Variants in FSTL5 observed in about 807,000 individuals in gnomAD.
FSTL5 encodes the protein follistatin-related protein 5.
Under a neutral mutation model 89.1 loss-of-function variants are expected in FSTL5, and 62 were observed. The observed-to-expected ratio is 0.70, with a 90% CI of 0.57 to 0.86. The LOEUF is 0.86. Among genes scored for constraint, FSTL5 ranks in the 40% least tolerant of loss-of-function variants. The pLI is 0.00. For missense variants in FSTL5, 1,057 were observed against 1,001.6 expected, an observed-to-expected ratio of 1.06 and a Z score of -0.75; for synonymous variants, 383 against 346.2, an observed-to-expected ratio of 1.11 and a Z score of -1.18.
At chr4:161,455,163 T>A in intron 14 of FSTL5, 35 bp from the exon 15 acceptor site, 1 of 1,531,906 alleles carries the variant, frequency 6.5e-7, no homozygotes, top group African/African-American at 1.4e-5. Flanking sequence ...ACCTCAACAA[T>A]GCAGTCACTT....
chr4:161,800,646 A>G (rs1226479232), intron 4 of FSTL5, among the ~76,000 whole-genome samples: 1 of 151,508 alleles, frequency 6.6e-6, no homozygotes, highest in African/African-American at 2.4e-5. Context: ...TTCATAAATT[A>G]CCCCTTCTAA....
chr4:161,933,830 TTA>T (rs1734358630), intron 3 of FSTL5, among the ~76,000 whole-genome samples: 1 of 151,954 alleles, frequency 6.6e-6, no homozygotes, highest in Non-Finnish European at 1.5e-5. Context: ...ATGTCTCCTT[TTA>T]GCTGATTTTT....
intron 1 of FSTL5, among the ~76,000 whole-genome samples, chr4:162,141,318 T>C (rs1732736518): frequency 1.2e-5 from 1 of 84,832 alleles, no homozygotes; most frequent in African/African-American, 3.9e-5. Flanking sequence ...GGTTTCACCA[T>C]GTTAGCCAGG....
intron 1 of FSTL5, among the ~76,000 whole-genome samples, chr4:162,155,960 G>A (rs1733452906): frequency 6.6e-6 from 1 of 152,154 alleles, no homozygotes; most frequent in Non-Finnish European, 1.5e-5. Flanking sequence ...GAACACAGTG[G>A]CATTTTAAAG....
At chr4:162,139,688 T>C (rs1446958766) in intron 1 of FSTL5, among the ~76,000 whole-genome samples, 1 of 152,118 alleles carries the variant, frequency 6.6e-6, no homozygotes, top group Non-Finnish European at 1.5e-5. Flanking sequence ...ATCTATTAAC[T>C]ATGAAAAGCC....
chr4:161,755,338 T>C (rs549400321), intron 6 of FSTL5, among the ~76,000 whole-genome samples: 14 of 152,104 alleles, frequency 9.2e-5, no homozygotes, highest in East Asian at 1.9e-4. Context: ...AAACACATTA[T>C]GTCTACTGGA....
chr4:161,697,677 A>C (rs184102598), intron 6 of FSTL5, among the ~76,000 whole-genome samples: 64 of 152,286 alleles, frequency 4.2e-4, no homozygotes, highest in African/African-American at 1.5e-3. Flanking sequence ...CCATAAAAAG[A>C]ATGAAATCCT....
At chr4:161,616,269 GA>G (rs1177767548) in intron 7 of FSTL5, among the ~76,000 whole-genome samples, 3 of 151,924 alleles carry the variant, frequency 2.0e-5, no homozygotes, top group African/African-American at 7.2e-5. Context: ...TGTATTTTTA[GA>G]GATGGGGTTT....
At chr4:161,936,854 A>C (rs776919073) in intron 3 of FSTL5, among the ~76,000 whole-genome samples, 3 of 152,264 alleles carry the variant, frequency 2.0e-5, no homozygotes, top group South Asian at 4.1e-4. Context: ...CCATAATCTT[A>C]GCCATCAGGC....
At chr4:161,582,585 A>G (rs1733472802) in intron 8 of FSTL5, among the ~76,000 whole-genome samples, 1 of 152,204 alleles carries the variant, frequency 6.6e-6, no homozygotes, top group South Asian at 2.1e-4. Context: ...AACACACTAA[A>G]AAAGAGACAG....
intron 4 of FSTL5, among the ~76,000 whole-genome samples, chr4:161,900,554 G>T (rs762747495): frequency 4.2e-5 from 6 of 142,506 alleles, no homozygotes; most frequent in African/African-American, 7.8e-5. Context: ...CAGGAGAATC[G>T]CTTGAACCCG....
chr4:162,122,091 G>A (rs1298891850), intron 1 of FSTL5, among the ~76,000 whole-genome samples: 2 of 151,994 alleles, frequency 1.3e-5, no homozygotes, highest in African/African-American at 4.8e-5. Context: ...AGTTTGGGGG[G>A]AGTCAAAAGT....
chr4:162,002,341 G>T (rs1012312787), intron 3 of FSTL5, among the ~76,000 whole-genome samples: 1 of 152,044 alleles, frequency 6.6e-6, no homozygotes, highest in Non-Finnish European at 1.5e-5. Flanking sequence ...TATATTTCAG[G>T]TCTCTGATTA....
At chr4:161,547,471 T>C (rs1732046423) in intron 8 of FSTL5, among the ~76,000 whole-genome samples, 1 of 151,952 alleles carries the variant, frequency 6.6e-6, no homozygotes. Context: ...ATAAACTTAA[T>C]ATCAAAATGT....
intron 1 of FSTL5, among the ~76,000 whole-genome samples, chr4:162,153,721 A>AAT (rs36137019): frequency 0.35 from 32,640 of 94,538 alleles, 6,793 homozygotes; most frequent in Non-Finnish European, 0.43. Flanking sequence ...TGTATATAAT[A>AAT]ATATATGTAT....
chr4:161,838,357 C>T (rs1731109212), intron 4 of FSTL5, among the ~76,000 whole-genome samples: 2 of 152,204 alleles, frequency 1.3e-5, no homozygotes, highest in Admixed American at 1.3e-4. Context: ...CAGATCACTG[C>T]AACCTCCGCC....
intron 10 of FSTL5, among the ~76,000 whole-genome samples, chr4:161,524,619 T>A (rs1329378668): frequency 6.6e-6 from 1 of 152,162 alleles, no homozygotes; most frequent in South Asian, 2.1e-4. Flanking sequence ...TTGTAAATAT[T>A]TTTTATGATG....
intron 4 of FSTL5, among the ~76,000 whole-genome samples, chr4:161,823,267 G>A (rs538898123): frequency 6.6e-6 from 1 of 152,234 alleles, no homozygotes; most frequent in Admixed American, 6.5e-5. Context: ...GAGCTTGATG[G>A]CTTCCTGGCA....
At chr4:161,457,223 T>C (rs1388110199) in intron 14 of FSTL5, among the ~76,000 whole-genome samples, 2 of 152,206 alleles carry the variant, frequency 1.3e-5, no homozygotes, top group Non-Finnish European at 2.9e-5. Flanking sequence ...TCTATATTCA[T>C]ATAACATACA....
Sources: allele counts gnomAD v4.1 joint callset (sites outside exome capture counted in the v4.1 genomes callset), GRCh38; gene constraint gnomAD v4.1.1; transcripts MANE v1.5; gene names NCBI Gene and HGNC (gene_info 2026-07-23, HGNC 2026-07-21).